Variants in RARB observed in about 807,000 individuals in gnomAD.
RARB encodes retinoic acid receptor beta.
RARB carries 17 observed loss-of-function variants against 51.9 expected under a neutral mutation model. The ratio of observed to expected loss-of-function variants is 0.33; its 90% CI spans 0.22 to 0.49. The LOEUF is 0.49. Ranked by LOEUF, RARB falls within the 20% of genes least tolerant of loss-of-function variation. The pLI, the probability that RARB is intolerant of heterozygous loss-of-function variation, is 0.99. For missense variants in RARB, 369 were observed against 550.8 expected (o/e 0.67, Z 3.30); for synonymous variants, 215 against 195.4 (o/e 1.10, Z -0.84).
intron 1 of RARB, among the ~76,000 whole-genome samples, chr3:25,446,802 CAAAAAAAAAAAAAAAAAA>C (rs5847356): frequency 8.7e-4 from 60 of 69,118 alleles, no homozygotes; most frequent in Admixed American, 2.7e-3. Flanking sequence ...GACTCCGTCT[CAAAAAAAAAAAAAAAAAA>C]AAAAAAAAAA....
chr3:25,256,526 T>G (rs1702868667), intron 5 of RARB, among the ~76,000 whole-genome samples: 1 of 152,164 alleles, frequency 6.6e-6, no homozygotes, highest in South Asian at 2.1e-4. Context: ...ATGTCCATGT[T>G]GTTTTAAAAA....
chr3:25,106,468 G>GTTTTTTTTTTTTTT (rs1239064966), intron 3 of RARB, among the ~76,000 whole-genome samples: 4 of 113,992 alleles, frequency 3.5e-5, no homozygotes, highest in Non-Finnish European at 6.7e-5. Flanking sequence ...GTTTTTTTTT[G>GTTTTTTTTTTTTTT]TTTTGTTTTT....
At chr3:25,191,040 A>G (rs1303092877) in intron 5 of RARB, among the ~76,000 whole-genome samples, 2 of 152,174 alleles carry the variant, frequency 1.3e-5, no homozygotes, top group African/African-American at 2.4e-5. Flanking sequence ...AAAAACAAAA[A>G]CAACTCTGTA....
intron 3 of RARB, among the ~76,000 whole-genome samples, chr3:25,525,604 T>C (rs749237340): frequency 1.4e-4 from 22 of 152,198 alleles, no homozygotes; most frequent in Non-Finnish European, 2.6e-4. Context: ...AAAGTCAGCA[T>C]AGACTAAAGG....
chr3:24,882,466 T>C (rs925178297), intron 2 of RARB, among the ~76,000 whole-genome samples: 11 of 152,232 alleles, frequency 7.2e-5, no homozygotes, highest in South Asian at 2.1e-4. Flanking sequence ...ACAAATGCTA[T>C]ATCATTTTAT....
intron 2 of RARB, among the ~76,000 whole-genome samples, chr3:24,967,952 TAG>T (rs887126350): frequency 1.1e-4 from 17 of 152,210 alleles, no homozygotes; most frequent in Non-Finnish European, 1.6e-4. Context: ...CTATTATCAT[TAG>T]AGTTTCCGGA....
chr3:25,193,890 A>T (rs1427186745), intron 5 of RARB, among the ~76,000 whole-genome samples: 1 of 108,182 alleles, frequency 9.2e-6, no homozygotes, highest in Non-Finnish European at 1.9e-5. Flanking sequence ...TAAATATTCA[A>T]AATTGTATAT....
chr3:25,373,718 G>A (rs1157910816), intron 5 of RARB, among the ~76,000 whole-genome samples: 2 of 152,104 alleles, frequency 1.3e-5, no homozygotes, highest in Non-Finnish European at 1.5e-5. Flanking sequence ...TACTACCATG[G>A]CGGGGAATGG....
In RARB at chr3:25,580,702, G is replaced by A; in HGVS notation, c.766G>A (p.Ala256Thr). The A allele has an allele frequency of 6.2e-7, 1 of 1,606,084 alleles. No homozygotes were observed. Among genetic ancestry groups the A allele is most frequent in the Non-Finnish European group, 8.5e-7 (1 of 1,173,612 alleles). The stretch of plus-strand genomic sequence containing the variant: ...CGCAGACCAAATTACCCTGCTGAAG[G>A]CCGCCTGCCTGGACATCCTGGTATG... ...TIADQITLLK[A>T]ACLDILILRI... The change falls in exon 5 of 8, where the codon GCC becomes ACC. Residue 256 changes from alanine to threonine, a missense_variant. This residue lies in a region of RARB where 49 missense variants were observed against 103.4 expected (regional missense o/e 0.47). Transcript: ENST00000330688.
intron 1 of RARB, among the ~76,000 whole-genome samples, chr3:25,439,187 C>T (rs6550976): frequency 0.6 from 91,029 of 151,990 alleles, 27,367 homozygotes; most frequent in Middle Eastern, 0.77. Flanking sequence ...TTGTCTTCCA[C>T]TACCAAAAGC....
At chr3:25,198,146 C>A (rs1701293585) in intron 5 of RARB, among the ~76,000 whole-genome samples, 1 of 152,064 alleles carries the variant, frequency 6.6e-6, no homozygotes, top group South Asian at 2.1e-4. Flanking sequence ...TCATATTCAG[C>A]AAAGCTGCCA....
intron 5 of RARB, among the ~76,000 whole-genome samples, chr3:25,221,034 A>G (rs1189481150): frequency 6.7e-6 from 1 of 149,734 alleles, no homozygotes. Context: ...ACACACACTC[A>G]ACACCTTTGC....
chr3:24,864,915 C>G (rs17787403), intron 2 of RARB, among the ~76,000 whole-genome samples: 3 of 152,278 alleles, frequency 2.0e-5, no homozygotes, highest in African/African-American at 7.2e-5. Context: ...TAATAACTTT[C>G]CAGGTAATGC....
chr3:25,032,021 A>AT (rs1001995038), intron 2 of RARB, among the ~76,000 whole-genome samples: 9 of 151,612 alleles, frequency 5.9e-5, no homozygotes, highest in Non-Finnish European at 1.2e-4. Flanking sequence ...AGGAGAAGGA[A>AT]TTTTTTTTCT....
chr3:25,407,058 A>G (rs1707428397), intron 5 of RARB, among the ~76,000 whole-genome samples: 1 of 152,126 alleles, frequency 6.6e-6, no homozygotes, highest in East Asian at 1.9e-4. Flanking sequence ...TTTACCACCC[A>G]CAAATTTTTA....
chr3:24,983,822 A>C (rs1696729428), intron 2 of RARB, among the ~76,000 whole-genome samples: 1 of 152,102 alleles, frequency 6.6e-6, no homozygotes, highest in Non-Finnish European at 1.5e-5. Context: ...CAGGGGGGAG[A>C]GGGAGTTCTT....
At chr3:25,397,696 T>C (rs956915514) in intron 5 of RARB, among the ~76,000 whole-genome samples, 5 of 152,218 alleles carry the variant, frequency 3.3e-5, no homozygotes, top group African/African-American at 1.2e-4. Flanking sequence ...TTTGTTCACT[T>C]ATCAAGTTCC....
intron 2 of RARB, among the ~76,000 whole-genome samples, chr3:24,971,131 C>G (rs1696389234): frequency 6.6e-6 from 1 of 151,932 alleles, no homozygotes; most frequent in African/African-American, 2.4e-5. Context: ...ATATAAATGA[C>G]ATTTCTAATG....
intron 5 of RARB, among the ~76,000 whole-genome samples, chr3:25,399,728 A>G (rs1707214190): frequency 6.6e-6 from 1 of 152,186 alleles, no homozygotes; most frequent in African/African-American, 2.4e-5. Context: ...CTGGTATATT[A>G]AAACCAACTA....
Sources: gnomAD v4.1 joint callset for allele counts (sites outside exome capture counted in the v4.1 genomes callset) on GRCh38, gnomAD v4.1.1 for gene constraint, gnomAD v4.1.1 regional missense constraint, MANE v1.5 for transcripts, NCBI Gene and HGNC (gene_info 2026-07-23, HGNC 2026-07-21) for gene names.